The following CTCF variants were observed in gnomAD, a reference collection of about 807,000 sequenced individuals.
CTCF encodes the protein CCCTC-binding factor, also known as transcriptional repressor CTCF.
A neutral mutation model predicts 72.3 loss-of-function variants in CTCF; 7 were observed. The observed-to-expected ratio is 0.10, with a 90% confidence interval of 0.06 to 0.18. The LOEUF is 0.18. CTCF is among the 10% of genes least tolerant of loss of function. The probability of loss-of-function intolerance (pLI) is 1.00; values close to 1 mark genes in which losing one functional copy is unlikely to be tolerated. For synonymous variants in CTCF, 374 were observed against 315.8 expected, an observed-to-expected ratio of 1.18 and a Z score of -1.95; for missense variants, 516 against 949.1, an observed-to-expected ratio of 0.54 and a Z score of 6.00.
At chr16:67,568,483 G>C (rs2051371156) in intron 1 of CTCF, 1 of 151,978 alleles carries the variant, frequency 6.6e-6, no homozygotes, top group Non-Finnish European at 1.5e-5. Flanking sequence ...CCGTCTCCCG[G>C]GTTCAACCAG....
intron 2 of CTCF, among the ~76,000 whole-genome samples, chr16:67,581,294 G>A (rs1378355459): frequency 6.6e-6 from 1 of 151,136 alleles, no homozygotes; most frequent in African/African-American, 2.4e-5. Flanking sequence ...CTTGCTGCGT[G>A]TTGTGAACGT....
rs780642402 is a variant in CTCF at position 67,636,781 on chromosome 16, A to T, written c.1929A>T (p.Pro643=). ...AGCCAGAGCCTCAGCCTGTGACCCC[A>T]GCCCCACCACCCGCCAAGAAGCGGA... The part of the protein sequence containing the change: ...EPEPEPQPVT[P]APPPAKKRRG... Residue 643 remains proline, a synonymous_variant, in exon 11 of 12, where the codon CCA becomes CCT. Transcript: ENST00000264010. 6.2e-7 allele frequency: 1 copy of T among 1,605,462 alleles called. No individual in the cohort carries two copies. Among genetic ancestry groups the T allele is most frequent in the African/African-American group, 1.3e-5 (1 of 74,528 alleles).
At chr16:67,572,492 T>A (rs2051436441) in intron 2 of CTCF, 1 of 152,160 alleles carries the variant, frequency 6.6e-6, no homozygotes, top group South Asian at 2.1e-4. Flanking sequence ...GGGAATCAGG[T>A]GGTATGATTT....
At chr16:67,564,496 C>T (rs1267419203) in intron 1 of CTCF, among the ~76,000 whole-genome samples, 1 of 152,216 alleles carries the variant, frequency 6.6e-6, no homozygotes, top group Non-Finnish European at 1.5e-5. Flanking sequence ...CAAAATATTC[C>T]TGCCACCCCT....
chr16:67,592,125 C>G (rs529485459), intron 2 of CTCF, among the ~76,000 whole-genome samples: 113 of 152,174 alleles, frequency 7.4e-4, no homozygotes, highest in African/African-American at 2.7e-3. Context: ...ATGTAAAGAT[C>G]TATCGACTGG....
In CTCF at chr16:67,598,980, G is replaced by T. The variant is rs188569127; in HGVS notation, c.-9-11844G>T. Among the ~76,000 whole-genome samples the T allele has an allele frequency of 3.7e-4, 57 of 152,334 alleles. No homozygotes were observed. In the East Asian group the frequency reaches 0.011, roughly 29 times the overall value. ...AATTAGAGACAGCAAGTGTTAAGTT[G>T]AGCGTGGTAGGAAAAAAGAGATGAC... On this transcript the variant is annotated intron_variant, in intron 2 of 11. Transcript: ENST00000264010.
At chr16:67,564,200 A>G (rs1476334799) in intron 1 of CTCF, among the ~76,000 whole-genome samples, 1 of 152,240 alleles carries the variant, frequency 6.6e-6, no homozygotes, top group Non-Finnish European at 1.5e-5. Flanking sequence ...TTTCTTCACT[A>G]AAAAGCATCC....
At chr16:67,572,148 T>A (rs2051430753) in intron 2 of CTCF, among the ~76,000 whole-genome samples, 1 of 152,216 alleles carries the variant, frequency 6.6e-6, no homozygotes. Context: ...AAGCTCTGCC[T>A]GGAGCAAATA....
At chr16:67,594,682 T>C (rs953308297) in intron 2 of CTCF, among the ~76,000 whole-genome samples, 1 of 152,214 alleles carries the variant, frequency 6.6e-6, no homozygotes, top group Non-Finnish European at 1.5e-5. Context: ...GTTTTGTTTT[T>C]CCATGTTCCC....
chr16:67,609,050 C>T (rs1162522776), intron 2 of CTCF, among the ~76,000 whole-genome samples: 1 of 151,986 alleles, frequency 6.6e-6, no homozygotes, highest in Non-Finnish European at 1.5e-5. Flanking sequence ...ATAAAGCTAC[C>T]TTAATAAAGC....
intron 5 of CTCF, among the ~76,000 whole-genome samples, chr16:67,620,035 A>C (rs1474796660): frequency 6.6e-6 from 1 of 152,208 alleles, no homozygotes; most frequent in Non-Finnish European, 1.5e-5. Context: ...GGAAAAGAGG[A>C]TGAGTGGAAT....
chr16:67,601,859 A>G (rs967232742), intron 2 of CTCF, among the ~76,000 whole-genome samples: 2 of 145,658 alleles, frequency 1.4e-5, no homozygotes, highest in Admixed American at 1.4e-4. Context: ...GGTTGTTTAC[A>G]AGCAATTTTT....
intron 5 of CTCF, among the ~76,000 whole-genome samples, chr16:67,619,095 T>A (rs1374423167): frequency 1.3e-5 from 2 of 152,188 alleles, no homozygotes; most frequent in Non-Finnish European, 2.9e-5. Context: ...TTAGTAACGC[T>A]GTTAGGATAG....
At chr16:67,603,238 A>G (rs947988989) in intron 2 of CTCF, among the ~76,000 whole-genome samples, 2 of 151,960 alleles carry the variant, frequency 1.3e-5, no homozygotes, top group Admixed American at 1.3e-4. Context: ...TTACAAAAAA[A>G]GAAAACATTA....
chr16:67,621,534 G>A lies in CTCF; in HGVS notation c.1300G>A (p.Val434Met). 6.2e-7 allele frequency: 1 copy of A among 1,613,496 alleles called. No individual in the cohort carries two copies. Among genetic ancestry groups the A allele is most frequent in the Non-Finnish European group, 8.5e-7 (1 of 1,179,524 alleles). Residue 434 changes from valine (V) to methionine (M), a missense_variant, in exon 7 of 12, where the codon GTG (valine) becomes ATG (methionine). Val to Met is a conservative substitution (Grantham distance 21). Around this residue, in one of 7 missense-constraint regions of CTCF, gnomAD observed 70 missense variants for 290.1 expected, o/e 0.24. Coordinates refer to ENST00000264010, the MANE Select transcript of CTCF (RefSeq NM_006565.4). ...CATTTTACAGAAGCACACAGAAAATGTGGCCAAATTTCACTGTCCCCACTG... is the reference window on the plus strand; with the variant it reads ...CATTTTACAGAAGCACACAGAAAATATGGCCAAATTTCACTGTCCCCACTG... Reference protein sequence around the residue: ...MHILQKHTENVAKFHCPHCDT... With the variant: ...MHILQKHTENMAKFHCPHCDT...
chr16:67,609,331 A>G (rs772461409), intron 2 of CTCF, among the ~76,000 whole-genome samples: 3 of 152,182 alleles, frequency 2.0e-5, no homozygotes, highest in Non-Finnish European at 2.9e-5. Flanking sequence ...TTCATGTTGT[A>G]TAATAGATCT....
intron 6 of CTCF, 84 bp downstream of exon 6, chr16:67,620,901 A>T: frequency 8.7e-7 from 1 of 1,144,900 alleles, no homozygotes; most frequent in Non-Finnish European, 1.2e-6. Context: ...GTGTGTCCCC[A>T]TTGTTTATAT....
Position 67,586,490 on chromosome 16 carries a change from C to A in CTCF, c.-10+15226C>A, listed in dbSNP as rs8061763. Among the ~76,000 whole-genome samples, 6 of 150,818 alleles carry A rather than the reference C, an allele frequency of 4.0e-5. No homozygotes were observed. In the Admixed American group the frequency reaches 4.0e-4, roughly 10 times the overall value. On this transcript the variant is annotated intron_variant, in intron 2 of 11. Coordinates refer to ENST00000264010, the MANE Select transcript of CTCF (RefSeq NM_006565.4). Reference sequence around the variant, plus strand: ...GGCAGAGGTTGCAGTGAGCCGAGATCGCGCCACTGCACTCCAGCCTGGGCG... The same window carrying A: ...GGCAGAGGTTGCAGTGAGCCGAGATAGCGCCACTGCACTCCAGCCTGGGCG...
intron 2 of CTCF, among the ~76,000 whole-genome samples, chr16:67,578,182 G>A (rs1409426750): frequency 6.6e-6 from 1 of 152,198 alleles, no homozygotes; most frequent in East Asian, 1.9e-4. Context: ...ACTTCAAACA[G>A]TGCAAAATGT....
Sources: allele counts gnomAD v4.1 joint callset (sites outside exome capture counted in the v4.1 genomes callset), GRCh38; gene constraint gnomAD v4.1.1; regional missense constraint gnomAD v4.1.1; transcripts MANE v1.5; gene names NCBI Gene and HGNC (gene_info 2026-07-23, HGNC 2026-07-21).